The following EHBP1 variants were observed in gnomAD, a reference collection of about 807,000 sequenced individuals.
EHBP1 encodes the protein EH domain-binding protein 1.
EHBP1 carries 55 observed loss-of-function variants against 144.0 expected under a neutral mutation model. That is an observed-to-expected ratio of 0.38 (90% CI 0.31 to 0.48). The LOEUF (loss-of-function observed/expected upper bound fraction) is 0.48. Ranked by LOEUF, EHBP1 falls within the 20% of genes least tolerant of loss-of-function variation. The pLI is 0.98. For missense variants in EHBP1, 1,200 were observed against 1,364.2 expected (o/e 0.88, Z 1.90); for synonymous variants, 469 against 472.7 (o/e 0.99, Z 0.10).
intron 10 of EHBP1, among the ~76,000 whole-genome samples, chr2:62,892,246 T>C (rs2052523188): frequency 6.6e-6 from 1 of 152,174 alleles, no homozygotes; most frequent in Non-Finnish European, 1.5e-5. Context: ...TTTAGTGTTT[T>C]TCTGTGTAAC....
At chr2:62,770,243 G>A (rs1467531904) in intron 4 of EHBP1, among the ~76,000 whole-genome samples, 1 of 152,112 alleles carries the variant, frequency 6.6e-6, no homozygotes, top group African/African-American at 2.4e-5. Context: ...CTACAGAATG[G>A]GAGAAAATAT....
intron 10 of EHBP1, among the ~76,000 whole-genome samples, chr2:62,902,428 T>TAATTGTGATGAAATTACCTTGC (rs1267053150): frequency 6.6e-6 from 1 of 152,226 alleles, no homozygotes; most frequent in Admixed American, 6.5e-5. Context: ...AGGTCTTTTG[T>TAATTGTGATGAAATTACCTTGC]AATTGTGATG....
intron 1 of EHBP1, among the ~76,000 whole-genome samples, chr2:62,693,324 G>A (rs2033972577): frequency 6.6e-6 from 1 of 152,034 alleles, no homozygotes; most frequent in Non-Finnish European, 1.5e-5. Context: ...ATACACATGG[G>A]AGTGCAGAGA....
At chr2:62,729,303 T>A (rs1326680756) in intron 2 of EHBP1, among the ~76,000 whole-genome samples, 1 of 130,766 alleles carries the variant, frequency 7.6e-6, no homozygotes, top group Non-Finnish European at 1.6e-5. Flanking sequence ...TAATATTTTA[T>A]AATATAATAT....
At chr2:62,839,498 T>C (rs1379079943) in intron 7 of EHBP1, among the ~76,000 whole-genome samples, 75 of 148,374 alleles carry the variant, frequency 5.1e-4, no homozygotes, top group African/African-American at 1.7e-3. Flanking sequence ...CCAGGGCAAT[T>C]AGACAGGAGA....
chr2:62,805,561 A>T (rs4671051), intron 5 of EHBP1, among the ~76,000 whole-genome samples: 55,752 of 150,456 alleles, frequency 0.37, 10,392 homozygotes, highest in Middle Eastern at 0.55. Flanking sequence ...GTCACCTAGG[A>T]TGGAGTATAG....
intron 14 of EHBP1, among the ~76,000 whole-genome samples, chr2:62,956,416 T>C (rs772215028): frequency 3.9e-5 from 6 of 152,220 alleles, no homozygotes; most frequent in Non-Finnish European, 8.8e-5. Flanking sequence ...GCTAGGTAGC[T>C]ACATGCCAGG....
In EHBP1 at chr2:62,943,376, C is replaced by CAA. The variant is rs11306610; in HGVS notation, c.1365-403_1365-402dup. On this transcript the variant is annotated intron_variant, in intron 11 of 22. Coordinates refer to ENST00000431489, the MANE Select transcript of EHBP1 (RefSeq NM_001142616.3). ...GGGCAACAAGAGCGAAACTCCGTCT[C>CAA]AAAAAAAAAAAAAAAAAAAAAAAAT... Among the ~76,000 whole-genome samples, 267 of 87,670 alleles carry CAA rather than the reference C, an allele frequency of 3.0e-3. 5 individuals are homozygous for CAA. Among genetic ancestry groups the CAA allele is most frequent in the Non-Finnish European group, 3.5e-3 (167 of 47,854 alleles). 57.5% of individuals were successfully genotyped at this position (87,670 alleles called of 152,430 possible). A position where few individuals can be genotyped will look rare whatever the true frequency, so the allele number is the denominator to read the frequency against.
intron 12 of EHBP1, 86 bp from the exon 13 acceptor site, chr2:62,948,171 AAAC>A (rs1177062551): frequency 7.9e-7 from 1 of 1,268,676 alleles, no homozygotes; most frequent in African/African-American, 1.5e-5. Context: ...ACATGTACCC[AAAC>A]AACAAAAATT....
In EHBP1 at chr2:62,899,813, T is replaced by C. The variant is rs557829313; in HGVS notation, c.1185+25281T>C. ...TGCTGACCAGTTGGCAGAAGTTCCC[T>C]ATGCATCATAGCAATTTCTTACATT... is the stretch of plus-strand genomic sequence containing the variant. On this transcript the variant is annotated intron_variant, in intron 10 of 22. Coordinates refer to ENST00000431489, the MANE Select transcript of EHBP1 (RefSeq NM_001142616.3). Among the ~76,000 whole-genome samples, 325 of 152,350 alleles carry C rather than the reference T, an allele frequency of 2.1e-3. 1 individual carries two copies. The highest frequency in any genetic ancestry group is 0.01 in the Middle Eastern group (3 of 294).
At chr2:62,914,846 A>G (rs2054483437) in intron 10 of EHBP1, among the ~76,000 whole-genome samples, 1 of 152,100 alleles carries the variant, frequency 6.6e-6, no homozygotes, top group South Asian at 2.1e-4. Flanking sequence ...ACATCCCAAT[A>G]TCATAAAATC....
chr2:63,008,023 A>G (rs1399783138), intron 19 of EHBP1, among the ~76,000 whole-genome samples: 1 of 151,696 alleles, frequency 6.6e-6, no homozygotes, highest in Non-Finnish European at 1.5e-5. Flanking sequence ...GCATTCTTAA[A>G]CAATTGGATG....
At chr2:63,023,133 C>A (rs1005408365) in intron 19 of EHBP1, among the ~76,000 whole-genome samples, 1 of 152,110 alleles carries the variant, frequency 6.6e-6, no homozygotes, top group African/African-American at 2.4e-5. Flanking sequence ...CGAGATGACA[C>A]CACTGCACTC....
chr2:62,804,063 T>C (rs79203297), intron 5 of EHBP1, among the ~76,000 whole-genome samples: 15,638 of 152,262 alleles, frequency 0.1, 1,060 homozygotes, highest in Non-Finnish European at 0.15. Context: ...AAAAGTAGCT[T>C]CTATTGTTAT....
intron 3 of EHBP1, among the ~76,000 whole-genome samples, chr2:62,751,969 G>A (rs1288424887): frequency 6.8e-6 from 1 of 146,934 alleles, no homozygotes. Flanking sequence ...AGGGTTTTTT[G>A]TGTCTCTATC....
intron 10 of EHBP1, among the ~76,000 whole-genome samples, chr2:62,882,338 A>G (rs529183845): frequency 1.5e-3 from 236 of 152,364 alleles, no homozygotes; most frequent in Non-Finnish European, 2.7e-3. Context: ...TGGAAAGAGC[A>G]GATGGTAGAA....
intron 8 of EHBP1, among the ~76,000 whole-genome samples, chr2:62,863,275 A>G (rs1336507400): frequency 6.7e-6 from 1 of 149,458 alleles, no homozygotes; most frequent in Non-Finnish European, 1.5e-5. Context: ...ACAGAGTGAG[A>G]CTCCGTCACA....
At chr2:62,680,700 A>G (rs1303068017) in intron 1 of EHBP1, among the ~76,000 whole-genome samples, 1 of 152,158 alleles carries the variant, frequency 6.6e-6, no homozygotes, top group African/African-American at 2.4e-5. Flanking sequence ...TAAGAGAGCT[A>G]CTCAAGCAGT....
intron 7 of EHBP1, among the ~76,000 whole-genome samples, chr2:62,857,001 AG>A (rs1190863624): frequency 6.6e-6 from 1 of 152,158 alleles, no homozygotes; most frequent in African/African-American, 2.4e-5. Context: ...TTGAAGATGG[AG>A]GAAGGGGGTC....
Sources: gnomAD v4.1 joint callset for allele counts (sites outside exome capture counted in the v4.1 genomes callset) on GRCh38, gnomAD v4.1.1 for gene constraint, MANE v1.5 for transcripts, NCBI Gene and HGNC (gene_info 2026-07-23, HGNC 2026-07-21) for gene names.